Variants in SNX16 observed in about 807,000 individuals in gnomAD.
SNX16 encodes sorting nexin 16.
SNX16 carries 35 observed loss-of-function variants against 36.7 expected under a neutral mutation model. The observed-to-expected ratio is 0.95, with a 90% CI of 0.73 to 1.27. The LOEUF (loss-of-function observed/expected upper bound fraction) is 1.27, where lower values mean the gene tolerates loss of function less well. Ranked by LOEUF, SNX16 falls within the 50% of genes most tolerant of loss-of-function variation. SNX16 has a pLI of 0.00. For synonymous variants in SNX16, 134 were observed against 132.0 expected, an observed-to-expected ratio of 1.02 and a Z score of -0.10; for missense variants, 367 against 393.6, an observed-to-expected ratio of 0.93 and a Z score of 0.57.
chr8:81,825,998 C>G (rs1810998682), intron 3 of SNX16, among the ~76,000 whole-genome samples: 1 of 150,810 alleles, frequency 6.6e-6, no homozygotes, highest in South Asian at 2.1e-4. Context: ...ATTATAAAAA[C>G]CATTTACAAT....
intron 5 of SNX16, among the ~76,000 whole-genome samples, chr8:81,812,239 G>C (rs143017042): frequency 1.3e-5 from 2 of 152,016 alleles, no homozygotes; most frequent in African/African-American, 4.8e-5. Context: ...GAGAGAAAAA[G>C]GGAGTGAAAA....
chr8:81,838,881 C>A (rs1272583374), intron 2 of SNX16, among the ~76,000 whole-genome samples: 1 of 151,584 alleles, frequency 6.6e-6, no homozygotes, highest in Non-Finnish European at 1.5e-5. Context: ...AAAATTATAT[C>A]CAAAGTGCAC....
intron 5 of SNX16, among the ~76,000 whole-genome samples, chr8:81,813,324 T>G (rs1426733610): frequency 6.6e-6 from 1 of 151,894 alleles, no homozygotes; most frequent in African/African-American, 2.4e-5. Flanking sequence ...CTTCTTTTCA[T>G]GGTCATTTGA....
chr8:81,837,959 T>G (rs1227904746), intron 2 of SNX16, among the ~76,000 whole-genome samples: 1 of 152,130 alleles, frequency 6.6e-6, no homozygotes. Context: ...TGTCATAAAT[T>G]TACAGCATGA....
chr8:81,840,855 T>A (rs1407565366), intron 1 of SNX16, among the ~76,000 whole-genome samples: 1 of 152,198 alleles, frequency 6.6e-6, no homozygotes, highest in East Asian at 1.9e-4. Context: ...CAGAATAGTA[T>A]CATAACACAA....
chr8:81,831,331 A>G (rs951685260), intron 2 of SNX16, among the ~76,000 whole-genome samples: 1 of 152,230 alleles, frequency 6.6e-6, no homozygotes, highest in African/African-American at 2.4e-5. Flanking sequence ...GACAACCTAC[A>G]GAATGGGAGA....
In SNX16 at chr8:81,801,243, G is replaced by A. The variant is rs954313608; in HGVS notation, c.*254C>T. ...ATTTATGCACAGTATTTAAGAATGT[G>A]GGCCTTGATAACAGAATTCCAACAA... On this transcript the variant is annotated 3_prime_UTR_variant, in exon 8 of 8. Coordinates refer to ENST00000345957, the MANE Select transcript of SNX16 (RefSeq NM_152836.3). 2 of 311,262 alleles carry A rather than the reference G, an allele frequency of 6.4e-6. No homozygotes were observed. The highest frequency in any genetic ancestry group is 1.2e-5 in the Non-Finnish European group (2 of 170,800). 19.3% of individuals were successfully genotyped at this position (311,262 alleles called of 1,614,324 possible). A position where few individuals can be genotyped will look rare whatever the true frequency, so the allele number is the denominator to read the frequency against.
In SNX16 at chr8:81,800,584, A is replaced by G. The variant is rs1809640183; in HGVS notation, c.*913T>C. On this transcript the variant is annotated 3_prime_UTR_variant, in exon 8 of 8. Coordinates refer to ENST00000345957, the MANE Select transcript of SNX16 (RefSeq NM_152836.3). Reference sequence around the variant, plus strand: ...ATCAGCCATAATACAGTATAACAACATCTTCACACAAATAGAAATAAAAAT... The same window carrying G: ...ATCAGCCATAATACAGTATAACAACGTCTTCACACAAATAGAAATAAAAAT... The G allele has an allele frequency of 6.6e-6, 1 of 152,324 alleles. No homozygotes were observed. Among genetic ancestry groups the G allele is most frequent in the Non-Finnish European group, 1.5e-5 (1 of 67,748 alleles). 9.4% of individuals were successfully genotyped at this position (152,324 alleles called of 1,614,324 possible). A position where few individuals can be genotyped will look rare whatever the true frequency, so the allele number is the denominator to read the frequency against.
chr8:81,829,290 A>T lies in SNX16; in HGVS notation c.462+140T>A, dbSNP rs4576387. The T allele has an allele frequency of 6.5e-4, 131 of 201,890 alleles. No homozygotes were observed. In the South Asian group the frequency reaches 0.014, roughly 21 times the overall value. 12.5% of individuals were successfully genotyped at this position (201,890 alleles called of 1,614,324 possible). A position where few individuals can be genotyped will look rare whatever the true frequency, so the allele number is the denominator to read the frequency against. On this transcript the variant is annotated intron_variant, in intron 3 of 7. Transcript: ENST00000345957. ...TTTTTATGCTAAAAATTTTTATTTT[A>T]AAAATTTATTTAAAAAATTAATTTT... is the stretch of plus-strand genomic sequence containing the variant.
intron 5 of SNX16, chr8:81,808,152 G>A (rs1349250541): frequency 1.1e-5 from 14 of 1,281,472 alleles, no homozygotes; most frequent in Non-Finnish European, 1.5e-5. Context: ...ATTTTGAACA[G>A]TGTGGAAAAA....
At chr8:81,807,587 A>G (rs2600600) in intron 5 of SNX16, among the ~76,000 whole-genome samples, 60,195 of 149,538 alleles carry the variant, frequency 0.4, 12,871 homozygotes, top group African/African-American at 0.49. Context: ...ACACTCAACT[A>G]TTTAGCATAG....
chr8:81,803,072 A>G lies in SNX16; in HGVS notation c.818+20T>C. 6.3e-7 allele frequency: 1 copy of G among 1,585,428 alleles called. No homozygotes were observed. The highest frequency in any genetic ancestry group is 8.6e-7 in the Non-Finnish European group (1 of 1,169,542). On this transcript the variant is annotated intron_variant, in intron 6 of 7. Transcript: ENST00000345957. Reference sequence around the variant, plus strand: ...AAGGGTTGAATTAGTCAGAGTAGAAATGCAAGTATCACAACACACCTGATT... The same window carrying G: ...AAGGGTTGAATTAGTCAGAGTAGAAGTGCAAGTATCACAACACACCTGATT...
At chr8:81,811,798 T>C (rs536258099) in intron 5 of SNX16, among the ~76,000 whole-genome samples, 2 of 152,156 alleles carry the variant, frequency 1.3e-5, no homozygotes, top group East Asian at 3.9e-4. Flanking sequence ...AATCTAAGCA[T>C]ACTCAGGAAA....
chr8:81,805,451 TA>T (rs1468588506), intron 5 of SNX16, among the ~76,000 whole-genome samples: 1 of 151,878 alleles, frequency 6.6e-6, no homozygotes, highest in Admixed American at 6.6e-5. Flanking sequence ...AGAAAGGAAT[TA>T]AGAGACAGGA....
chr8:81,829,475 C>A lies in SNX16; in HGVS notation c.417G>T (p.Trp139Cys). 1 of 1,431,004 alleles carries A rather than the reference C, an allele frequency of 7.0e-7. No individual in the cohort carries two copies. The highest frequency in any genetic ancestry group is 9.2e-7 in the Non-Finnish European group (1 of 1,090,768). 88.6% of individuals were successfully genotyped at this position (1,431,004 alleles called of 1,614,324 possible). ...AGTCAGTGTATCTTCTGAAAACTAC[C>A]CAGCTTTCTTCTGGGGTTTTCTTTA... The part of the protein sequence containing the change: ...ILVKKTPEES[W>C]VVFRRYTDFS... The change falls in exon 3 of 8, where the codon TGG (tryptophan) becomes TGT (cysteine). Residue 139 changes from tryptophan (W) to cysteine (C), a missense_variant. Coordinates refer to ENST00000345957, the MANE Select transcript of SNX16 (RefSeq NM_152836.3).
chr8:81,831,769 G>A (rs1811282345), intron 2 of SNX16, among the ~76,000 whole-genome samples: 1 of 148,802 alleles, frequency 6.7e-6, no homozygotes, highest in Non-Finnish European at 1.5e-5. Flanking sequence ...GACATGAACA[G>A]ATACTTCTTA....
At chr8:81,813,578 T>C (rs1389122420) in intron 5 of SNX16, among the ~76,000 whole-genome samples, 2 of 151,764 alleles carry the variant, frequency 1.3e-5, no homozygotes, top group African/African-American at 2.4e-5. Flanking sequence ...AAAAAAGTGA[T>C]AAAATAAATT....
intron 4 of SNX16, among the ~76,000 whole-genome samples, chr8:81,816,839 T>TA (rs934127578): frequency 1.1e-4 from 17 of 152,286 alleles, no homozygotes; most frequent in Admixed American, 3.3e-4. Context: ...TTTCTACCTT[T>TA]AAATTCTTCT....
chr8:81,802,546 G>C (rs1366919848), intron 6 of SNX16, 47 bp from the exon 7 acceptor site: 1 of 1,543,204 alleles, frequency 6.5e-7, no homozygotes, highest in Non-Finnish European at 8.8e-7. Context: ...AACAAAACAG[G>C]CATATGTTTA....
Sources: allele counts gnomAD v4.1 joint callset (sites outside exome capture counted in the v4.1 genomes callset), GRCh38; gene constraint gnomAD v4.1.1; transcripts MANE v1.5; gene names NCBI Gene and HGNC (gene_info 2026-07-23, HGNC 2026-07-21).